SLC14A2: variants seen among roughly 807,000 people sequenced by gnomAD.
SLC14A2 encodes solute carrier family 14 member 2.
In SLC14A2, 91 loss-of-function variants were observed where a neutral mutation model predicts 104.6. The ratio of observed to expected loss-of-function variants is 0.87; its 90% CI spans 0.73 to 1.04. SLC14A2 has a LOEUF of 1.04. SLC14A2 is among the 50% of genes least tolerant of loss of function. The pLI, the probability that SLC14A2 is intolerant of heterozygous loss-of-function variation, is 0.00. For synonymous variants in SLC14A2, 476 were observed against 466.4 expected (o/e 1.02, Z -0.27); for missense variants, 1,189 against 1,156.0 (o/e 1.03, Z -0.41).
chr18:45,585,842 G>A (rs947044899), intron 2 of SLC14A2, among the ~76,000 whole-genome samples: 15 of 152,208 alleles, frequency 9.9e-5, no homozygotes, highest in African/African-American at 3.6e-4. Flanking sequence ...ATGGCTCCGC[G>A]AGAGTCCTTG....
chr18:45,190,161 A>G, the SLC14A2 span, among the ~76,000 whole-genome samples: 1 of 152,230 alleles, frequency 6.6e-6, no homozygotes, highest in Admixed American at 6.5e-5. Flanking sequence ...GATTTTTATA[A>G]TTACTTGGGA....
At chr18:45,333,182 G>A (rs976577222) in intron 1 of SLC14A2, among the ~76,000 whole-genome samples, 2 of 152,072 alleles carry the variant, frequency 1.3e-5, no homozygotes, top group Non-Finnish European at 2.9e-5. Context: ...GTATCTTCTG[G>A]GGAATCATAT....
chr18:45,375,523 C>A (rs1157595615), intron 1 of SLC14A2, among the ~76,000 whole-genome samples: 1 of 152,228 alleles, frequency 6.6e-6, no homozygotes, highest in Non-Finnish European at 1.5e-5. Context: ...CCCTCACCCA[C>A]CAAGTTGTCC....
chr18:45,239,795 G>C (rs1210536302), intron 1 of SLC14A2, among the ~76,000 whole-genome samples: 2 of 152,148 alleles, frequency 1.3e-5, no homozygotes, highest in African/African-American at 4.8e-5. Flanking sequence ...CATTCCAATA[G>C]GAGCTAACAT....
At chr18:45,509,825 T>C (rs908016953) in intron 2 of SLC14A2, among the ~76,000 whole-genome samples, 6 of 152,210 alleles carry the variant, frequency 3.9e-5, no homozygotes, top group African/African-American at 1.4e-4. Context: ...CTGTGACTTC[T>C]CTATGGAATG....
intron 2 of SLC14A2, among the ~76,000 whole-genome samples, chr18:45,556,099 G>T (rs2044129566): frequency 6.6e-6 from 1 of 152,182 alleles, no homozygotes; most frequent in South Asian, 2.1e-4. Context: ...GTTGCAGACT[G>T]CCATTTTCTC....
At chr18:45,437,419 T>C (rs1441204902) in intron 1 of SLC14A2, among the ~76,000 whole-genome samples, 2 of 152,102 alleles carry the variant, frequency 1.3e-5, no homozygotes, top group East Asian at 1.9e-4. Context: ...TCTCTGCTTG[T>C]GGAGAGTCAG....
At chr18:45,513,964 T>C (rs1284339504) in intron 2 of SLC14A2, among the ~76,000 whole-genome samples, 1 of 152,232 alleles carries the variant, frequency 6.6e-6, no homozygotes, top group Non-Finnish European at 1.5e-5. Flanking sequence ...GCCATTCATG[T>C]TAATTTTCAG....
At chr18:45,336,903 A>C (rs981928173) in intron 1 of SLC14A2, among the ~76,000 whole-genome samples, 6 of 152,094 alleles carry the variant, frequency 3.9e-5, no homozygotes, top group African/African-American at 1.4e-4. Context: ...GTATTTACTG[A>C]GTATACAATA....
Position 45,523,722 on chromosome 18 carries a change from C to T in SLC14A2, c.-35+40400C>T, listed in dbSNP as rs142819704. On this transcript the variant is annotated intron_variant, in intron 2 of 20. Coordinates refer to the SLC14A2 transcript ENST00000586448. Reference sequence around the variant, plus strand: ...TACATCCTGCCTGTAACCCTCCCCACCTGAGACCTGCCTTTGCTCTGACAC... The same window carrying T: ...TACATCCTGCCTGTAACCCTCCCCATCTGAGACCTGCCTTTGCTCTGACAC... Among the ~76,000 whole-genome samples, 1,110 of 152,236 alleles carry T rather than the reference C, an allele frequency of 7.3e-3. 35 individuals carry two copies. Among genetic ancestry groups the T allele is most frequent in the Admixed American group, 0.052 (799 of 15,286 alleles).
intron 1 of SLC14A2, among the ~76,000 whole-genome samples, chr18:45,394,881 A>C (rs1010223764): frequency 6.6e-6 from 1 of 152,114 alleles, no homozygotes; most frequent in Admixed American, 6.6e-5. Flanking sequence ...GGAATGTAAA[A>C]TGGTGCGGTC....
chr18:45,448,173 A>T (rs1389452914), intron 1 of SLC14A2, among the ~76,000 whole-genome samples: 2 of 152,174 alleles, frequency 1.3e-5, no homozygotes, highest in Non-Finnish European at 2.9e-5. Context: ...GTTGATTTGT[A>T]TATGTTGATT....
the SLC14A2 span, among the ~76,000 whole-genome samples, chr18:45,206,765 G>A: frequency 2.0e-5 from 3 of 152,114 alleles, no homozygotes; most frequent in Non-Finnish European, 4.4e-5. Context: ...CTCTGGACAG[G>A]GGGTTACATA....
chr18:45,285,542 C>T (rs76366786), intron 1 of SLC14A2, among the ~76,000 whole-genome samples: 2,072 of 152,176 alleles, frequency 0.014, 29 homozygotes, highest in East Asian at 0.029. Flanking sequence ...CTCAGCCTTC[C>T]GAGTAGCTGG....
intron 2 of SLC14A2, among the ~76,000 whole-genome samples, chr18:45,566,519 A>G (rs1013600506): frequency 6.6e-4 from 9 of 13,592 alleles, no homozygotes; most frequent in East Asian, 0.014. Flanking sequence ...ACGCTCGCAC[A>G]CACACACACA....
intron 1 of SLC14A2, among the ~76,000 whole-genome samples, chr18:45,242,609 G>A (rs1413382750): frequency 6.6e-6 from 1 of 152,156 alleles, no homozygotes; most frequent in Non-Finnish European, 1.5e-5. Flanking sequence ...TTATTAATGT[G>A]AATTACTCAA....
rs750044149 is a variant in SLC14A2, at chr18:45,668,261, C to G, written c.1908-88C>G. 3.2e-6 allele frequency: 5 copies of G among 1,539,514 alleles called. No individual in the cohort carries two copies. In the South Asian group the frequency reaches 4.8e-5, roughly 15 times the overall value. On this transcript the variant is annotated intron_variant, in intron 14 of 19. Coordinates refer to ENST00000255226, the MANE Select transcript of SLC14A2 (RefSeq NM_007163.4). ...CTATTTGAAGGCGTGTGTAGTCAGG[C>G]CCCAGATAAAAAGAATCTGACTCAA...
At chr18:45,348,184 G>A (rs8092233) in intron 1 of SLC14A2, among the ~76,000 whole-genome samples, 3,559 of 152,334 alleles carry the variant, frequency 0.023, 129 homozygotes, top group African/African-American at 0.078. Flanking sequence ...AAGCCTGCAG[G>A]AAGCCCAGAG....
chr18:45,448,390 A>C (rs2086804976), intron 1 of SLC14A2, among the ~76,000 whole-genome samples: 1 of 152,242 alleles, frequency 6.6e-6, no homozygotes, highest in Admixed American at 6.5e-5. Context: ...GTTAATTAAT[A>C]ATATGTAAAC....
Sources: gnomAD v4.1 joint callset for allele counts (sites outside exome capture counted in the v4.1 genomes callset) on GRCh38, gnomAD v4.1.1 for gene constraint, MANE v1.5 for transcripts, NCBI Gene and HGNC (gene_info 2026-07-23, HGNC 2026-07-21) for gene names.